Variants in PRKN observed in about 807,000 individuals in gnomAD.
PRKN encodes the protein E3 ubiquitin-protein ligase parkin.
A neutral mutation model predicts 59.5 loss-of-function variants in PRKN; 56 were observed. The ratio of observed to expected loss-of-function variants is 0.94; its 90% CI spans 0.76 to 1.18. PRKN has a LOEUF of 1.18. Among genes scored for constraint, PRKN ranks in the 50% most tolerant of loss-of-function variants. PRKN has a pLI of 0.00. For synonymous variants in PRKN, 250 were observed against 222.1 expected, an observed-to-expected ratio of 1.13 and a Z score of -1.12; for missense variants, 657 against 596.4, an observed-to-expected ratio of 1.10 and a Z score of -1.06.
chr6:162,283,314 T>C lies in PRKN; in HGVS notation c.172-20549A>G, dbSNP rs1781006209. ...TATTTTCACCTAAGATTTGTGTCCA[T>C]TTTTGGAATGGCAGAGATGCTGGAA... On this transcript the variant is annotated intron_variant, in intron 2 of 11. Coordinates refer to ENST00000366898, the MANE Select transcript of PRKN (RefSeq NM_004562.3). Among the ~76,000 whole-genome samples the C allele has an allele frequency of 3.3e-5, 5 of 152,226 alleles. No individual in the cohort carries two copies. In the South Asian group the frequency reaches 1.0e-3, roughly 32 times the overall value.
chr6:162,702,806 C>G (rs769182124), intron 1 of PRKN, among the ~76,000 whole-genome samples: 10 of 152,072 alleles, frequency 6.6e-5, no homozygotes, highest in Admixed American at 1.3e-4. Flanking sequence ...GCATAATTAC[C>G]TCAGTGTTGA....
intron 4 of PRKN, among the ~76,000 whole-genome samples, chr6:162,182,513 A>G (rs1057465342): frequency 6.6e-6 from 1 of 152,164 alleles, no homozygotes; most frequent in African/African-American, 2.4e-5. Context: ...ACCACCTGGG[A>G]AAACATCACT....
chr6:162,195,360 G>A (rs1330002597), intron 4 of PRKN, among the ~76,000 whole-genome samples: 1 of 152,174 alleles, frequency 6.6e-6, no homozygotes, highest in Non-Finnish European at 1.5e-5. Flanking sequence ...TCTATTCTAA[G>A]ACTTGAATTT....
At chr6:162,686,059 T>C (rs1375472298) in intron 1 of PRKN, among the ~76,000 whole-genome samples, 2 of 152,132 alleles carry the variant, frequency 1.3e-5, no homozygotes, top group Non-Finnish European at 2.9e-5. Context: ...AAGCACTGTC[T>C]GGGTTAGGGA....
At chr6:162,556,423 CT>C (rs1346763069) in intron 1 of PRKN, among the ~76,000 whole-genome samples, 2 of 135,684 alleles carry the variant, frequency 1.5e-5, no homozygotes, top group Non-Finnish European at 3.1e-5. Context: ...CAGACGCCTT[CT>C]TTTTTTTTCC....
intron 1 of PRKN, among the ~76,000 whole-genome samples, chr6:162,651,411 T>G (rs191790911): frequency 2.0e-5 from 3 of 152,290 alleles, no homozygotes; most frequent in Admixed American, 6.5e-5. Flanking sequence ...AACTAATCTA[T>G]CCTTCTGAAA....
rs1781112537 is a variant in PRKN at position 161,575,881 on chromosome 6, A to G, written c.872-6465T>C. Reference sequence around the variant, plus strand: ...ACTTAGAAAAGGAAACCGACTAACGACAAAATGGCATCAAAAATAAATGAA... The same window carrying G: ...ACTTAGAAAAGGAAACCGACTAACGGCAAAATGGCATCAAAAATAAATGAA... On this transcript the variant is annotated intron_variant, in intron 7 of 11. Transcript: ENST00000366898. The surrounding 1 kb of genome is among the most constrained non-coding windows in gnomAD (Gnocchi z 4.6). 6.6e-6 allele frequency among the ~76,000 whole-genome samples: 1 copy of G among 152,216 alleles called. No individual in the cohort carries two copies.
Position 161,552,793 on chromosome 6 carries a change from G to GTTT in PRKN, c.934-3793_934-3791dup, listed in dbSNP as rs1374141871. 9.8e-4 allele frequency among the ~76,000 whole-genome samples: 140 copies of GTTT among 143,152 alleles called. No individual in the cohort carries two copies. The highest frequency in any genetic ancestry group is 8.7e-4 in the Non-Finnish European group (58 of 66,316). The allele number at this position is 143,152 out of a possible 152,430, so 93.9% of individuals were successfully genotyped here. The stretch of plus-strand genomic sequence containing the variant: ...ACACCATGGTTTTGTTGTTGTTTTT[G>GTTT]TTTTTTGTTTTTTTTTTTTAGACGG... On this transcript the variant is annotated intron_variant, in intron 8 of 11. Transcript: ENST00000366898. This position sits in a 1 kb window ranked among gnomAD's most constrained non-coding sequence, Gnocchi z 4.9.
chr6:162,667,354 T>C (rs890139618), intron 1 of PRKN, among the ~76,000 whole-genome samples: 3 of 152,100 alleles, frequency 2.0e-5, no homozygotes, highest in African/African-American at 2.4e-5. Context: ...ATATACAGTA[T>C]ATAAAATCTA....
At chr6:161,586,219 C>T (rs7747994) in intron 7 of PRKN, among the ~76,000 whole-genome samples, 101,894 of 152,052 alleles carry the variant, frequency 0.67, 34,755 homozygotes, top group African/African-American at 0.79. Flanking sequence ...GATTTTGCTA[C>T]GTTGCCTAAG....
chr6:161,369,929 C>T lies in PRKN; in HGVS notation c.1168-9724G>A, dbSNP rs1457186290. ...TCAAGAGGAATAACCTCACAAGGGT[C>T]ATCGTGAGTAAGATCAACACACAAA... On this transcript the variant is annotated intron_variant, in intron 10 of 11. Coordinates refer to ENST00000366898, the MANE Select transcript of PRKN (RefSeq NM_004562.3). The surrounding 1 kb of genome is among the most constrained non-coding windows in gnomAD (Gnocchi z 5.8). 4.8e-6 allele frequency: 2 copies of T among 416,762 alleles called. No individual in the cohort carries two copies. The highest frequency in any genetic ancestry group is 1.0e-5 in the Non-Finnish European group (2 of 197,420). 25.8% of individuals were successfully genotyped at this position (416,762 alleles called of 1,614,324 possible). A position where few individuals can be genotyped will look rare whatever the true frequency, so the allele number is the denominator to read the frequency against.
chr6:162,691,348 A>C (rs1777767563), intron 1 of PRKN, among the ~76,000 whole-genome samples: 1 of 152,192 alleles, frequency 6.6e-6, no homozygotes, highest in African/African-American at 2.4e-5. Context: ...AATACATTAC[A>C]CCATCTCATA....
chr6:161,885,629 C>T lies in PRKN; in HGVS notation c.734+87673G>A, dbSNP rs544202908. ...GCAGTGGGCCAAGATTGCACCACTGCACTCCAGCCTGGGTGACAGAGCGAG... is the reference window on the plus strand; with the variant it reads ...GCAGTGGGCCAAGATTGCACCACTGTACTCCAGCCTGGGTGACAGAGCGAG... On this transcript the variant is annotated intron_variant, in intron 6 of 11. Transcript: ENST00000366898. Among the ~76,000 whole-genome samples, 21 of 147,408 alleles carry T rather than the reference C, an allele frequency of 1.4e-4. No homozygotes were observed. The South Asian group carries it at 1.5e-3, about 11-fold the overall frequency.
At chr6:161,901,145 T>G (rs993677749) in intron 6 of PRKN, among the ~76,000 whole-genome samples, 5 of 152,142 alleles carry the variant, frequency 3.3e-5, no homozygotes, top group African/African-American at 1.2e-4. Context: ...CTCAAACCCC[T>G]GACTCAGGTG....
Position 161,417,611 on chromosome 6 carries a change from G to T in PRKN, c.1084-30734C>A, listed in dbSNP as rs1424538320. ...AAAGAAAAAACTCACGGGGCTGGGG[G>T]TTACATCTATTGTTTCCTGTAATTG... On this transcript the variant is annotated intron_variant, in intron 9 of 11. Transcript: ENST00000366898. This position sits in a 1 kb window ranked among gnomAD's most constrained non-coding sequence, Gnocchi z 5.4. Among the ~76,000 whole-genome samples, 1 of 152,052 alleles carries T rather than the reference G, an allele frequency of 6.6e-6. No individual in the cohort carries two copies. The highest frequency in any genetic ancestry group is 1.5e-5 in the Non-Finnish European group (1 of 68,010).
In PRKN at chr6:161,378,002, G is replaced by A. The variant is rs1392842182; in HGVS notation, c.1167+8792C>T. On this transcript the variant is annotated intron_variant, in intron 10 of 11. Transcript: ENST00000366898. The surrounding 1 kb of genome is among the most constrained non-coding windows in gnomAD (Gnocchi z 7.3). ...GAGGCAGCAGCTGACAGTGGACTGT[G>A]TGTGGAAAGGAAAGAGTCCTGAGTT... Among the ~76,000 whole-genome samples the A allele has an allele frequency of 6.6e-6, 1 of 152,150 alleles. No individual in the cohort carries two copies. The highest frequency in any genetic ancestry group is 2.4e-5 in the African/African-American group (1 of 41,444).
At position 162,087,841 on chromosome 6, in the gene PRKN, C is replaced by G. The variant is rs6912158; in HGVS notation, c.535-33667G>C. 9.5e-3 allele frequency among the ~76,000 whole-genome samples: 1,445 copies of G among 152,232 alleles called. 20 individuals are homozygous for G. Among genetic ancestry groups the G allele is most frequent in the African/African-American group, 0.033 (1,358 of 41,542 alleles). On this transcript the variant is annotated intron_variant, in intron 4 of 11. Coordinates refer to ENST00000366898, the MANE Select transcript of PRKN (RefSeq NM_004562.3). The stretch of plus-strand genomic sequence containing the variant: ...TCTCGTGACCTCGTGATCCACCCGC[C>G]TCAGCCTCCCAAAGTGCTGGGATTA...
chr6:162,496,427 C>G lies in PRKN; in HGVS notation c.8-52954G>C, dbSNP rs150616754. Reference sequence around the variant, plus strand: ...CAAGCAGCTGGATATACAGCTAACTCTTTATCACTGTTAGGGCTGAAATGA... The same window carrying G: ...CAAGCAGCTGGATATACAGCTAACTGTTTATCACTGTTAGGGCTGAAATGA... On this transcript the variant is annotated intron_variant, in intron 1 of 11. Transcript: ENST00000366898. Among the ~76,000 whole-genome samples, 950 of 152,236 alleles carry G rather than the reference C, an allele frequency of 6.2e-3. 6 individuals are homozygous for G. The highest frequency in any genetic ancestry group is 7.5e-3 in the Non-Finnish European group (508 of 68,006).
intron 5 of PRKN, among the ~76,000 whole-genome samples, chr6:162,033,160 A>C (rs565843651): frequency 2.0e-5 from 3 of 152,286 alleles, no homozygotes; most frequent in African/African-American, 7.2e-5. Context: ...AGTGCTGACC[A>C]TGGATCATAT....
Sources: allele counts gnomAD v4.1 joint callset (sites outside exome capture counted in the v4.1 genomes callset), GRCh38; gene constraint gnomAD v4.1.1; non-coding constraint Gnocchi (gnomAD v3.1); transcripts MANE v1.5; gene names NCBI Gene and HGNC (gene_info 2026-07-23, HGNC 2026-07-21).